SLC9A9: variants seen among roughly 807,000 people sequenced by gnomAD.
SLC9A9 encodes solute carrier family 9 member A9, also known as sodium/hydrogen exchanger 9.
A neutral mutation model predicts 77.8 loss-of-function variants in SLC9A9; 62 were observed. That is an observed-to-expected ratio of 0.80 (90% CI 0.65 to 0.98). The LOEUF is 0.98. Among genes scored for constraint, SLC9A9 ranks in the 50% least tolerant of loss-of-function variants. The pLI is 0.00. For missense variants in SLC9A9, 775 were observed against 774.9 expected, an observed-to-expected ratio of 1.00 and a Z score of 0.00; for synonymous variants, 320 against 283.5, an observed-to-expected ratio of 1.13 and a Z score of -1.29.
intron 8 of SLC9A9, among the ~76,000 whole-genome samples, chr3:143,565,453 A>G (rs1022374924): frequency 4.6e-5 from 7 of 152,190 alleles, no homozygotes; most frequent in African/African-American, 1.4e-4. Flanking sequence ...CAATGAAGAA[A>G]GGAGGGGTAA....
chr3:143,467,727 AAGAGAGAGAGAG>A (rs111531862), intron 11 of SLC9A9, among the ~76,000 whole-genome samples: 63 of 144,808 alleles, frequency 4.4e-4, no homozygotes, highest in African/African-American at 1.5e-3. Context: ...CCTGGCTCTA[AAGAGAGAGAGAG>A]AGAGAGAGAG....
chr3:143,758,470 CT>C (rs1487634011), intron 4 of SLC9A9, among the ~76,000 whole-genome samples: 3 of 152,132 alleles, frequency 2.0e-5, no homozygotes, highest in Non-Finnish European at 4.4e-5. Flanking sequence ...GACATTCCCC[CT>C]GATGGGGCAG....
intron 14 of SLC9A9, among the ~76,000 whole-genome samples, chr3:143,347,692 C>A (rs567536362): frequency 6.6e-6 from 1 of 152,112 alleles, no homozygotes; most frequent in East Asian, 1.9e-4. Flanking sequence ...AATATTGTCC[C>A]CTGCCCCCAC....
chr3:143,465,995 T>C (rs370548996), intron 12 of SLC9A9, among the ~76,000 whole-genome samples: 10 of 152,346 alleles, frequency 6.6e-5, no homozygotes, highest in African/African-American at 2.2e-4. Context: ...ACTAAACTTG[T>C]GAGACCTGCA....
At chr3:143,813,961 T>C (rs1351361971) in intron 2 of SLC9A9, among the ~76,000 whole-genome samples, 1 of 152,050 alleles carries the variant, frequency 6.6e-6, no homozygotes, top group Non-Finnish European at 1.5e-5. Flanking sequence ...AAGGTAATGA[T>C]AGTGGGAATG....
Position 143,284,779 on chromosome 3 carries a change from C to T in SLC9A9, c.1605-15799G>A, listed in dbSNP as rs192107573. Reference sequence around the variant, plus strand: ...AAAAAACTTGAAGTCTTATGGGAACCAGCCTGCAATGCTGGGAGGGTCCCT... The same window carrying T: ...AAAAAACTTGAAGTCTTATGGGAACTAGCCTGCAATGCTGGGAGGGTCCCT... On this transcript the variant is annotated intron_variant, in intron 14 of 15. Transcript: ENST00000316549. Among the ~76,000 whole-genome samples, 276 of 152,172 alleles carry T rather than the reference C, an allele frequency of 1.8e-3. 2 individuals carry two copies. The highest frequency in any genetic ancestry group is 5.5e-3 in the African/African-American group (227 of 41,508).
At position 143,453,871 on chromosome 3, in the gene SLC9A9, T is replaced by A. The variant is rs2035048104; in HGVS notation, c.1469+13166A>T. On this transcript the variant is annotated intron_variant, in intron 12 of 15. Transcript: ENST00000316549. Reference sequence around the variant, plus strand: ...AAATTTAATCCCCAATGCAACAATATTAGGAGTTGCAGCCTTTGGAAAGTG... The same window carrying A: ...AAATTTAATCCCCAATGCAACAATAATAGGAGTTGCAGCCTTTGGAAAGTG... Among the ~76,000 whole-genome samples, 3 of 152,252 alleles carry A rather than the reference T, an allele frequency of 2.0e-5. No individual in the cohort carries two copies. The South Asian group carries it at 6.2e-4, about 32-fold the overall frequency.
intron 2 of SLC9A9, among the ~76,000 whole-genome samples, chr3:143,805,566 A>G (rs1362877533): frequency 1.3e-5 from 2 of 152,198 alleles, no homozygotes; most frequent in Admixed American, 6.5e-5. Context: ...GAAGAATCAC[A>G]AAAGAAGTGA....
rs534578396 is a variant in SLC9A9 at position 143,462,940 on chromosome 3, C to T, written c.1469+4097G>A. Reference sequence around the variant, plus strand: ...CTGGCGGTGGTGTAACCATGGGCCACGGTGGCAGTTGTCAACCACCCTGGG... The same window carrying T: ...CTGGCGGTGGTGTAACCATGGGCCATGGTGGCAGTTGTCAACCACCCTGGG... On this transcript the variant is annotated intron_variant, in intron 12 of 15. Transcript: ENST00000316549. 1.6e-4 allele frequency among the ~76,000 whole-genome samples: 24 copies of T among 152,258 alleles called. No individual in the cohort carries two copies. The East Asian group carries it at 3.1e-3, about 20-fold the overall frequency.
chr3:143,812,580 T>C (rs1559809629), intron 2 of SLC9A9, among the ~76,000 whole-genome samples: 2 of 152,196 alleles, frequency 1.3e-5, no homozygotes, highest in South Asian at 4.1e-4. Context: ...TAGACTACAT[T>C]TCCTTGTAGT....
At position 143,765,011 on chromosome 3, in the gene SLC9A9, CTCTCTT is replaced by C. The variant is rs776791879; in HGVS notation, c.533+29984_533+29989del. On this transcript the variant is annotated intron_variant, in intron 4 of 15. Transcript: ENST00000316549. The stretch of plus-strand genomic sequence containing the variant: ...CCTTCCTTCCTTCCTTTCTTTCTTT[CTCTCTT>C]TCTCTTTCTTTCTCTCTTTCTCTTT... Among the ~76,000 whole-genome samples the C allele has an allele frequency of 6.4e-4, 95 of 147,676 alleles. 1 individual carries two copies. The highest frequency in any genetic ancestry group is 8.5e-4 in the South Asian group (4 of 4,682).
At chr3:143,661,821 G>A (rs750847472) in intron 5 of SLC9A9, among the ~76,000 whole-genome samples, 44 of 152,126 alleles carry the variant, frequency 2.9e-4, no homozygotes, top group Admixed American at 7.9e-4. Context: ...CACTGTGTCC[G>A]GCCTCCTCTT....
chr3:143,446,041 G>C (rs1410118711), intron 12 of SLC9A9, among the ~76,000 whole-genome samples: 1 of 152,010 alleles, frequency 6.6e-6, no homozygotes, highest in Non-Finnish European at 1.5e-5. Flanking sequence ...TTGCTGTAAA[G>C]GACAGCAGAG....
intron 6 of SLC9A9, among the ~76,000 whole-genome samples, chr3:143,583,023 C>T (rs903294202): frequency 1.1e-4 from 17 of 152,068 alleles, no homozygotes; most frequent in Admixed American, 2.6e-4. Context: ...TGTGATGGTA[C>T]TTGCCTGTAG....
intron 9 of SLC9A9, among the ~76,000 whole-genome samples, chr3:143,550,233 G>T (rs755785072): frequency 6.6e-6 from 1 of 152,110 alleles, no homozygotes; most frequent in Non-Finnish European, 1.5e-5. Flanking sequence ...GTTTTGCTTT[G>T]GTTGCTTTTG....
Position 143,265,987 on chromosome 3 carries a change from C to G in SLC9A9, c.*715G>C, listed in dbSNP as rs1937700456. ...CACAACGTGGTATGGGGAGAAGAAA[C>G]CTGGTTTTCTTGGAATGGTCCTACT... On this transcript the variant is annotated 3_prime_UTR_variant, in exon 16 of 16. Coordinates refer to ENST00000316549, the MANE Select transcript of SLC9A9 (RefSeq NM_173653.4). 1.4e-6 allele frequency: 1 copy of G among 692,792 alleles called. No individual in the cohort carries two copies. The highest frequency in any genetic ancestry group is 2.6e-6 in the Non-Finnish European group (1 of 380,392). The allele number at this position is 692,792 out of a possible 1,614,324, so 42.9% of individuals were successfully genotyped here. A position where few individuals can be genotyped will look rare whatever the true frequency, so the allele number is the denominator to read the frequency against.
At chr3:143,653,076 ATGT>A (rs1259068806) in intron 5 of SLC9A9, among the ~76,000 whole-genome samples, 1 of 152,156 alleles carries the variant, frequency 6.6e-6, no homozygotes, top group Non-Finnish European at 1.5e-5. Context: ...AAATGAATAA[ATGT>A]TGTTGCAATG....
chr3:143,746,302 T>C (rs1403583064), intron 4 of SLC9A9, among the ~76,000 whole-genome samples: 3 of 152,234 alleles, frequency 2.0e-5, no homozygotes, highest in East Asian at 3.8e-4. Flanking sequence ...AGTTCATTTA[T>C]TCAAATACTT....
intron 13 of SLC9A9, among the ~76,000 whole-genome samples, chr3:143,380,812 T>G (rs537039748): frequency 6.6e-6 from 1 of 152,346 alleles, no homozygotes; most frequent in East Asian, 1.9e-4. Context: ...CCTTTCTTTT[T>G]CACATCTGTG....
Sources: allele counts gnomAD v4.1 joint callset (sites outside exome capture counted in the v4.1 genomes callset), GRCh38; gene constraint gnomAD v4.1.1; transcripts MANE v1.5; gene names NCBI Gene and HGNC (gene_info 2026-07-23, HGNC 2026-07-21).